The following CFAP45 variants were observed in gnomAD, a reference collection of about 807,000 sequenced individuals.
CFAP45 encodes the protein cilia and flagella associated protein 45.
In CFAP45, 43 loss-of-function variants were observed where a neutral mutation model predicts 75.6. The observed-to-expected ratio is 0.57, with a 90% CI of 0.45 to 0.73. CFAP45 has a LOEUF of 0.73. CFAP45 is among the 30% of genes least tolerant of loss of function. The pLI, the probability that CFAP45 is intolerant of heterozygous loss-of-function variation, is 0.00. For missense variants in CFAP45, 689 were observed against 701.5 expected (o/e 0.98, Z 0.20); for synonymous variants, 223 against 244.6 (o/e 0.91, Z 0.82).
rs543719799 is a variant in CFAP45, at chr1:159,898,103, G to A, written c.3+1993C>T. 20 of 985,110 alleles carry A rather than the reference G, an allele frequency of 2.0e-5. No individual in the cohort carries two copies. In the East Asian group the frequency reaches 6.8e-4, roughly 34 times the overall value. 61.0% of individuals were successfully genotyped at this position (985,110 alleles called of 1,614,324 possible). A position where few individuals can be genotyped will look rare whatever the true frequency, so the allele number is the denominator to read the frequency against. Reference sequence around the variant, plus strand: ...CTAGTTCTTCTTTTGCACAGTCTCCGCAGGCTGGCAAATTCAGGCTTCAAA... The same window carrying A: ...CTAGTTCTTCTTTTGCACAGTCTCCACAGGCTGGCAAATTCAGGCTTCAAA... On this transcript the variant is annotated intron_variant, in intron 1 of 11. Transcript: ENST00000368099.
chr1:159,878,904 A>G (rs1649479736), intron 8 of CFAP45, among the ~76,000 whole-genome samples: 2 of 152,194 alleles, frequency 1.3e-5, no homozygotes, highest in South Asian at 4.1e-4. Flanking sequence ...ATAACAGGAC[A>G]GGGAACTCTG....
chr1:159,876,675 C>G lies in CFAP45; in HGVS notation c.1233G>C (p.Arg411=). The G allele has an allele frequency of 6.2e-7, 1 of 1,614,230 alleles. No homozygotes were observed. The highest frequency in any genetic ancestry group is 8.5e-7 in the Non-Finnish European group (1 of 1,180,036). The change falls in exon 10 of 12, where the codon CGG becomes CGC. Residue 411 remains arginine, a synonymous_variant. Coordinates refer to ENST00000368099, the MANE Select transcript of CFAP45 (RefSeq NM_012337.3). ...GCTCAGCCTCTGTTTCCATCTTCTT[C>G]CGCGCATTTTCCTTTTCCTTTCTGC... ...EWRRKEKENA[R]KKMETEAELR...
In CFAP45 at chr1:159,893,216, G is replaced by T; in HGVS notation, c.93C>A (p.Ser31Arg). 6.2e-7 allele frequency: 1 copy of T among 1,614,102 alleles called. No homozygotes were observed. The highest frequency in any genetic ancestry group is 8.5e-7 in the Non-Finnish European group (1 of 1,179,958). Residue 31 changes from serine to arginine, a missense_variant, in exon 2 of 12, where the codon AGC becomes AGA. By Grantham distance (110) the Ser-to-Arg change is moderately radical. Coordinates refer to ENST00000368099, the MANE Select transcript of CFAP45 (RefSeq NM_012337.3). ...NKARYRTKAV[S>R]SEVDESLFGD... ...CAAAGAGGCTCTCATCCACCTCAGA[G>T]CTCACGGCTTTGGTCCGATAGCGAG...
At chr1:159,897,767 GA>G (rs140008787) in intron 1 of CFAP45, among the ~76,000 whole-genome samples, 32 of 145,212 alleles carry the variant, frequency 2.2e-4, no homozygotes, top group Admixed American at 1.2e-3. Flanking sequence ...TTTATGACCA[GA>G]AAAAAAAAAC....
Position 159,876,681 on chromosome 1 carries a change from A to ATTTTCC in CFAP45, c.1221_1226dup (p.Lys407_Glu408dup), listed in dbSNP as rs1423317004. On this transcript the variant is annotated inframe_insertion, in exon 10 of 12. Coordinates refer to ENST00000368099, the MANE Select transcript of CFAP45 (RefSeq NM_012337.3). Reference sequence around the variant, plus strand: ...CCTCTGTTTCCATCTTCTTCCGCGCATTTTCCTTTTCCTTTCTGCGCCACT... The same window carrying ATTTTCC: ...CCTCTGTTTCCATCTTCTTCCGCGCATTTTCCTTTTCCTTTTCCTTTCTGCGCCACT... The ATTTTCC allele has an allele frequency of 6.8e-6, 11 of 1,613,736 alleles. No homozygotes were observed. Among genetic ancestry groups the ATTTTCC allele is most frequent in the Admixed American group, 6.7e-5 (4 of 59,974 alleles).
intron 5 of CFAP45, 98 bp downstream of exon 5, chr1:159,887,743 A>ACC: frequency 9.3e-7 from 1 of 1,070,836 alleles, no homozygotes; most frequent in Non-Finnish European, 1.3e-6. Flanking sequence ...CCCTGCCCAC[A>ACC]CCCCCACCAG....
rs1385184134 is a variant in CFAP45 at position 159,890,516 on chromosome 1, A to G, written c.236T>C (p.Ile79Thr). The G allele has an allele frequency of 6.2e-7, 1 of 1,614,016 alleles. No homozygotes were observed. Among genetic ancestry groups the G allele is most frequent in the African/African-American group, 1.3e-5 (1 of 74,904 alleles). Residue 79 changes from isoleucine to threonine, a missense_variant, in exon 3 of 12, where the codon ATC becomes ACC. Transcript: ENST00000368099. ...ALGLDRKPET[I>T]QLITRDMVRE... is the part of the protein sequence containing the mutation. ...GACCATGTCCCGGGTGATGAGCTGG[A>G]TGGTCTCTGGCTTGCGATCCAAGCC...
chr1:159,886,752 A>T (rs1157019462), intron 5 of CFAP45, 63 bp from the exon 6 acceptor site: 2 of 1,373,774 alleles, frequency 1.5e-6, no homozygotes, highest in Non-Finnish European at 1.0e-6. Flanking sequence ...AGGGGAAGAA[A>T]TGGAAACAGA....
chr1:159,884,170 A>T (rs921205748), intron 7 of CFAP45, among the ~76,000 whole-genome samples: 1 of 152,184 alleles, frequency 6.6e-6, no homozygotes, highest in African/African-American at 2.4e-5. Context: ...TATTTCCTTT[A>T]TGTGTCTATT....
rs1364197951 is a variant in CFAP45 at position 159,886,667 on chromosome 1, T to C, written c.611A>G (p.His204Arg). 4 of 1,614,086 alleles carry C rather than the reference T, an allele frequency of 2.5e-6. No individual in the cohort carries two copies. The highest frequency in any genetic ancestry group is 3.4e-6 in the Non-Finnish European group (4 of 1,179,956). The change falls in exon 6 of 12, where the codon CAT becomes CGT. Residue 204 changes from histidine to arginine, a missense_variant. Coordinates refer to ENST00000368099, the MANE Select transcript of CFAP45 (RefSeq NM_012337.3). ...MSKIILNAKC[H>R]AIRDAQILEK... ...CAGGATTTGGGCATCCCGGATGGCA[T>C]GGCACTTAGCATTGAGGATAATCTG... is the stretch of plus-strand genomic sequence containing the variant.
rs147811871 is a variant in CFAP45, at chr1:159,875,967, T to C, written c.1352+589A>G. Reference sequence around the variant, plus strand: ...ATAAATAGCTACCAAGGAAGAAAGATGGATTGATGTAGGTGCAGTCCATCC... The same window carrying C: ...ATAAATAGCTACCAAGGAAGAAAGACGGATTGATGTAGGTGCAGTCCATCC... On this transcript the variant is annotated intron_variant, in intron 10 of 11. Transcript: ENST00000368099. Among the ~76,000 whole-genome samples, 1,034 of 152,374 alleles carry C rather than the reference T, an allele frequency of 6.8e-3. 18 individuals are homozygous for C. Among genetic ancestry groups the C allele is most frequent in the African/African-American group, 0.024 (990 of 41,588 alleles).
At chr1:159,899,987 C>G (rs771107368) in intron 1 of CFAP45, 109 bp downstream of exon 1, 1 of 1,210,794 alleles carries the variant, frequency 8.3e-7, no homozygotes, top group Admixed American at 2.1e-5. Context: ...ACTCCTGGGC[C>G]CTCCTGACCC....
Position 159,893,125 on chromosome 1 carries a change from T to A in CFAP45, c.129+55A>T, listed in dbSNP as rs914642342. 5.0e-6 allele frequency: 8 copies of A among 1,603,692 alleles called. No homozygotes were observed. The Admixed American group carries it at 5.0e-5, about 10-fold the overall frequency. ...GCAGAAGCTTTGCCCTGAGCTACAT[T>A]TTTGGGCCTCTGCCTGCAGGTGGCA... On this transcript the variant is annotated intron_variant, in intron 2 of 11. Coordinates refer to ENST00000368099, the MANE Select transcript of CFAP45 (RefSeq NM_012337.3).
Position 159,886,588 on chromosome 1 carries a change from C to T in CFAP45, c.690G>A (p.Gln230=). ...ELDTEEKRLD[Q]MMEVERQKSI... is the part of the protein sequence containing the mutation. ...ATTTCTGCCGCTCCACTTCCATCAT[C>T]TGATCCAACCGCTTCTCTTCTGTGT... is the stretch of plus-strand genomic sequence containing the variant. The change falls in exon 6 of 12, where the codon CAG becomes CAA. Residue 230 remains glutamine, a synonymous_variant. Transcript: ENST00000368099. 6.2e-7 allele frequency: 1 copy of T among 1,614,228 alleles called. No homozygotes were observed.
rs529049241 is a variant in CFAP45, at chr1:159,897,649, G to A, written c.3+2447C>T. On this transcript the variant is annotated intron_variant, in intron 1 of 11. Coordinates refer to ENST00000368099, the MANE Select transcript of CFAP45 (RefSeq NM_012337.3). ...TGTATGGCAGGTATGTGCCCAGAAT[G>A]TATTACTGAAAGCATGTTCAAAAAA... 2.0e-5 allele frequency among the ~76,000 whole-genome samples: 3 copies of A among 152,212 alleles called. No homozygotes were observed. The South Asian group carries it at 6.2e-4, about 32-fold the overall frequency.
chr1:159,879,489 C>A (rs986333924), intron 8 of CFAP45, among the ~76,000 whole-genome samples: 7 of 152,192 alleles, frequency 4.6e-5, no homozygotes, highest in African/African-American at 1.7e-4. Flanking sequence ...AAAGAGATAA[C>A]ACGTGTAAAA....
At position 159,872,923 on chromosome 1, in the gene CFAP45, AAGG is replaced by A. The variant is rs1394790903; in HGVS notation, c.1577+18_1577+20del. ...TTGCGGGAGGGAAGAGGATTTGGGA[AAGG>A]AGGAGATTCCAGCGCACCTCAGCTC... On this transcript the variant is annotated intron_variant, in intron 11 of 11. Transcript: ENST00000368099. The A allele has an allele frequency of 3.7e-6, 6 of 1,606,602 alleles. No individual in the cohort carries two copies. Among genetic ancestry groups the A allele is most frequent in the African/African-American group, 1.3e-5 (1 of 74,814 alleles).
At chr1:159,882,424 ATTG>A (rs986948487) in intron 7 of CFAP45, among the ~76,000 whole-genome samples, 1 of 152,032 alleles carries the variant, frequency 6.6e-6, no homozygotes, top group African/African-American at 2.4e-5. Context: ...TACTTTTTGG[ATTG>A]TTGTTTTTGT....
chr1:159,876,918 C>G, intron 9 of CFAP45, 169 bp from the exon 10 acceptor site: 1 of 704,276 alleles, frequency 1.4e-6, no homozygotes, highest in East Asian at 2.7e-5. Context: ...ATCCTGTCAT[C>G]AAACCTTTGG....
Sources: gnomAD v4.1 joint callset for allele counts (sites outside exome capture counted in the v4.1 genomes callset) on GRCh38, gnomAD v4.1.1 for gene constraint, MANE v1.5 for transcripts, NCBI Gene and HGNC (gene_info 2026-07-23, HGNC 2026-07-21) for gene names.